Variants in CA12 observed in about 807,000 individuals in gnomAD.
CA12 encodes carbonate dehydratase XII.
A neutral mutation model predicts 46.8 loss-of-function variants in CA12; 36 were observed. That is an observed-to-expected ratio of 0.77 (90% CI 0.59 to 1.02). The LOEUF is 1.02. Among genes scored for constraint, CA12 ranks in the 50% least tolerant of loss-of-function variants. The probability of loss-of-function intolerance (pLI) is 0.00; values close to 1 mark genes in which losing one functional copy is unlikely to be tolerated. For synonymous variants in CA12, 202 were observed against 187.0 expected (o/e 1.08, Z -0.65); for missense variants, 436 against 451.4 (o/e 0.97, Z 0.31).
In CA12 at chr15:63,322,435, C is replaced by T. The variant is rs747916031; in HGVS notation, c.*3850G>A. 1.3e-5 allele frequency: 2 copies of T among 151,328 alleles called. No individual in the cohort carries two copies. Among genetic ancestry groups the T allele is most frequent in the Non-Finnish European group, 2.9e-5 (2 of 67,914 alleles). The allele number at this position is 151,328 out of a possible 1,614,324, so 9.4% of individuals were successfully genotyped here. A position where few individuals can be genotyped will look rare whatever the true frequency, so the allele number is the denominator to read the frequency against. Reference sequence around the variant, plus strand: ...TTTTACCTTTTTCTAGTGTGGCTACCGGAAAGTTTAAATTTCATACGTGTC... The same window carrying T: ...TTTTACCTTTTTCTAGTGTGGCTACTGGAAAGTTTAAATTTCATACGTGTC... On this transcript the variant is annotated 3_prime_UTR_variant, in exon 11 of 11. Transcript: ENST00000178638. The surrounding 1 kb of genome is among the most constrained non-coding windows in gnomAD (Gnocchi z 4.1).
In CA12 at chr15:63,328,137, A is replaced by G; in HGVS notation, c.875-7T>C. 1.2e-6 allele frequency: 2 copies of G among 1,613,674 alleles called. No homozygotes were observed. The highest frequency in any genetic ancestry group is 1.7e-6 in the Non-Finnish European group (2 of 1,179,652). ...GCCGCAGTACAGACTTGCACTTAAAAGGGGAGAGGAAAAGACGAGGTTACT... is the reference window on the plus strand; with the variant it reads ...GCCGCAGTACAGACTTGCACTTAAAGGGGGAGAGGAAAAGACGAGGTTACT... On this transcript the variant is annotated splice_polypyrimidine_tract_variant and splice_region_variant and intron_variant, in intron 8 of 10. Transcript: ENST00000178638. This position sits in a 1 kb window ranked among gnomAD's most constrained non-coding sequence, Gnocchi z 5.9.
chr15:63,376,594 CTT>C (rs1491223877), intron 1 of CA12, among the ~76,000 whole-genome samples: 1 of 122,932 alleles, frequency 8.1e-6, no homozygotes, highest in Non-Finnish European at 1.7e-5. Flanking sequence ...TTCTTTCTTT[CTT>C]TCTTTCTCTC....
At position 63,328,858 on chromosome 15, in the gene CA12, G is replaced by A. The variant is rs1236175358; in HGVS notation, c.875-728C>T. 3.9e-5 allele frequency among the ~76,000 whole-genome samples: 6 copies of A among 151,978 alleles called. No individual in the cohort carries two copies. Among genetic ancestry groups the A allele is most frequent in the East Asian group, 1.9e-4 (1 of 5,160 alleles). On this transcript the variant is annotated intron_variant, in intron 8 of 10. Coordinates refer to ENST00000178638, the MANE Select transcript of CA12 (RefSeq NM_001218.5). The surrounding 1 kb of genome is among the most constrained non-coding windows in gnomAD (Gnocchi z 5.9). ...TGGGACTGCAGGCGTGCACCACAAC[G>A]CTTGGCTAATTTTTGTATTTTTAGT...
chr15:63,380,912 C>T (rs1179125556), intron 1 of CA12, among the ~76,000 whole-genome samples: 1 of 152,200 alleles, frequency 6.6e-6, no homozygotes, highest in African/African-American at 2.4e-5. Flanking sequence ...AGTTCAGGTC[C>T]CCTCTGCCAC....
chr15:63,369,431 A>G (rs1048455702), intron 2 of CA12, among the ~76,000 whole-genome samples: 29 of 152,194 alleles, frequency 1.9e-4, no homozygotes, highest in African/African-American at 6.0e-4. Flanking sequence ...GCCTCTCTCC[A>G]TGTGTTATCT....
At position 63,321,512 on chromosome 15, in the gene CA12, C is replaced by T. The variant is rs763358750; in HGVS notation, c.*4773G>A. Reference sequence around the variant, plus strand: ...CACCCTCGGTGGCATTGTCGGGCCACATACCTTTCCCCTCACATCCTGCGA... The same window carrying T: ...CACCCTCGGTGGCATTGTCGGGCCATATACCTTTCCCCTCACATCCTGCGA... On this transcript the variant is annotated 3_prime_UTR_variant, in exon 11 of 11. Transcript: ENST00000178638. The surrounding 1 kb of genome is among the most constrained non-coding windows in gnomAD (Gnocchi z 4.5). 5 of 152,304 alleles carry T rather than the reference C, an allele frequency of 3.3e-5. No individual in the cohort carries two copies. The highest frequency in any genetic ancestry group is 7.3e-5 in the Non-Finnish European group (5 of 68,080). The allele number at this position is 152,304 out of a possible 1,614,324, so 9.4% of individuals were successfully genotyped here.
chr15:63,340,845 C>T lies in CA12; in HGVS notation c.526-62G>A, dbSNP rs1415056802. The T allele has an allele frequency of 1.3e-5, 19 of 1,450,940 alleles. No individual in the cohort carries two copies. Among genetic ancestry groups the T allele is most frequent in the South Asian group, 4.6e-5 (4 of 87,340 alleles). The allele number at this position is 1,450,940 out of a possible 1,614,324, so 89.9% of individuals were successfully genotyped here. On this transcript the variant is annotated intron_variant, in intron 5 of 10. Transcript: ENST00000178638. The surrounding 1 kb of genome is among the most constrained non-coding windows in gnomAD (Gnocchi z 4.4). ...ACAGGATAGGCTGAGCCAGGATTGA[C>T]GATTGCTATCAGAAGGGCAAAGCTG...
At position 63,373,085 on chromosome 15, in the gene CA12, C is replaced by A. The variant is rs2039527488; in HGVS notation, c.106+2573G>T. On this transcript the variant is annotated intron_variant, in intron 2 of 10. Transcript: ENST00000178638. The surrounding 1 kb of genome is among the most constrained non-coding windows in gnomAD (Gnocchi z 4.9). ...GAGGCAGTTAAGATTCTCTTCCCAG[C>A]CAGTCATGGTGGCTCACACCTGTAA... 1.3e-5 allele frequency among the ~76,000 whole-genome samples: 2 copies of A among 152,180 alleles called. No homozygotes were observed.
In CA12 at chr15:63,339,358, G is replaced by A. The variant is rs2039045962; in HGVS notation, c.748-413C>T. Among the ~76,000 whole-genome samples, 1 of 152,140 alleles carries A rather than the reference G, an allele frequency of 6.6e-6. No individual in the cohort carries two copies. Among genetic ancestry groups the A allele is most frequent in the Non-Finnish European group, 1.5e-5 (1 of 68,020 alleles). ...GCTTGTTCTGATGGTCATATCAGAA[G>A]GAATAAAGGAGGGAGTTAAGAGTTT... On this transcript the variant is annotated intron_variant, in intron 7 of 10. Coordinates refer to ENST00000178638, the MANE Select transcript of CA12 (RefSeq NM_001218.5). The surrounding 1 kb of genome is among the most constrained non-coding windows in gnomAD (Gnocchi z 4.3).
At chr15:63,353,203 C>T (rs114896341) in intron 2 of CA12, among the ~76,000 whole-genome samples, 1 of 151,970 alleles carries the variant, frequency 6.6e-6, no homozygotes, top group Non-Finnish European at 1.5e-5. Flanking sequence ...TAAACGAGGG[C>T]TGCAACAGAA....
In CA12 at chr15:63,345,720, CT is replaced by C; in HGVS notation, c.287-102del. The stretch of plus-strand genomic sequence containing the variant: ...CTCCCTCCACCCCTGCTGCCACCCC[CT>C]GGAGCCCAGAGAGAGGCAGGTGGAT... On this transcript the variant is annotated intron_variant, in intron 3 of 10. Coordinates refer to ENST00000178638, the MANE Select transcript of CA12 (RefSeq NM_001218.5). The surrounding 1 kb of genome is among the most constrained non-coding windows in gnomAD (Gnocchi z 4.3). 6.8e-7 allele frequency: 1 copy of C among 1,466,470 alleles called. No homozygotes were observed. Among genetic ancestry groups the C allele is most frequent in the East Asian group, 2.5e-5 (1 of 40,740 alleles). The allele number at this position is 1,466,470 out of a possible 1,614,324, so 90.8% of individuals were successfully genotyped here. A position where few individuals can be genotyped will look rare whatever the true frequency, so the allele number is the denominator to read the frequency against.
chr15:63,344,605 T>C (rs1378898751), intron 4 of CA12, among the ~76,000 whole-genome samples: 3 of 152,206 alleles, frequency 2.0e-5, no homozygotes, highest in Non-Finnish European at 4.4e-5. Flanking sequence ...CAAGTAGACC[T>C]ATGATTAGTC....
rs2038913904 is a variant in CA12, at chr15:63,329,921, T to C, written c.875-1791A>G. The stretch of plus-strand genomic sequence containing the variant: ...GATTGTCTTTTTCTGCAATCTCACA[T>C]TGAACCTGCAGAGCCTCCCTGGTCC... On this transcript the variant is annotated intron_variant, in intron 8 of 10. Transcript: ENST00000178638. This position sits in a 1 kb window ranked among gnomAD's most constrained non-coding sequence, Gnocchi z 4.8. Among the ~76,000 whole-genome samples the C allele has an allele frequency of 6.6e-6, 1 of 152,228 alleles. No homozygotes were observed. The highest frequency in any genetic ancestry group is 6.5e-5 in the Admixed American group (1 of 15,286).
At chr15:63,349,084 G>T (rs1237152514) in intron 2 of CA12, among the ~76,000 whole-genome samples, 1 of 152,180 alleles carries the variant, frequency 6.6e-6, no homozygotes, top group Non-Finnish European at 1.5e-5. Context: ...TCCAGCATCA[G>T]CTGTCCCAAC....
Position 63,346,600 on chromosome 15 carries a change from C to T in CA12, c.216G>A (p.Thr72=), listed in dbSNP as rs149949158. The T allele has an allele frequency of 1.0e-4, 164 of 1,604,902 alleles. No individual in the cohort carries two copies. The African/African-American group carries it at 1.8e-3, about 17-fold the overall frequency. ...GATTGTAGCCTTGGAACTCGAGGGG[C>T]GTGAGGCTGGCGTCATACTGGAGGA... The part of the protein sequence containing the change: ...SDILQYDASL[T]PLEFQGYNLS... The change falls in exon 3 of 11, where the codon ACG becomes ACA. Residue 72 remains threonine, a synonymous_variant. Transcript: ENST00000178638.
chr15:63,337,089 T>G (rs1376786722), intron 8 of CA12, among the ~76,000 whole-genome samples: 1 of 152,198 alleles, frequency 6.6e-6, no homozygotes, highest in African/African-American at 2.4e-5. Context: ...AAACTGTTAG[T>G]TATCATCACA....
intron 8 of CA12, among the ~76,000 whole-genome samples, chr15:63,337,840 G>C (rs1312673882): frequency 6.6e-6 from 1 of 152,200 alleles, no homozygotes; most frequent in East Asian, 1.9e-4. Flanking sequence ...GCCTCCCAAA[G>C]TGCTGGGATT....
intron 8 of CA12, among the ~76,000 whole-genome samples, chr15:63,337,146 C>T (rs758185182): frequency 1.1e-4 from 17 of 152,156 alleles, no homozygotes; most frequent in Non-Finnish European, 1.8e-4. Flanking sequence ...ATTCTGTTTT[C>T]CAACTGAGAA....
chr15:63,376,562 C>CTTTCTTTCTTTCTTTCTT (rs1555432639), intron 1 of CA12, among the ~76,000 whole-genome samples: 2 of 104,228 alleles, frequency 1.9e-5, no homozygotes, highest in African/African-American at 6.7e-5. Context: ...TCTTTCCTTT[C>CTTTCTTTCTTTCTTTCTT]TTTCTTTCTT....
Sources: gnomAD v4.1 joint callset for allele counts (sites outside exome capture counted in the v4.1 genomes callset) on GRCh38, gnomAD v4.1.1 for gene constraint, Gnocchi (gnomAD v3.1) non-coding constraint, MANE v1.5 for transcripts, NCBI Gene and HGNC (gene_info 2026-07-23, HGNC 2026-07-21) for gene names.